Variants in AGAP1 observed in about 807,000 individuals in gnomAD.
AGAP1 encodes the protein ArfGAP with GTPase domain, ankyrin repeat and PH domain 1.
AGAP1 carries 29 observed loss-of-function variants against 105.3 expected under a neutral mutation model. That is an observed-to-expected ratio of 0.28 (90% CI 0.21 to 0.38). The LOEUF (loss-of-function observed/expected upper bound fraction) is 0.38. Ranked by LOEUF, AGAP1 falls within the 10% of genes least tolerant of loss-of-function variation. The pLI is 1.00. For synonymous variants in AGAP1, 509 were observed against 485.9 expected (o/e 1.05, Z -0.63); for missense variants, 998 against 1,165.1 (o/e 0.86, Z 2.09).
At chr2:235,508,667 A>T (rs1002462774) in intron 1 of AGAP1, among the ~76,000 whole-genome samples, 5 of 152,168 alleles carry the variant, frequency 3.3e-5, no homozygotes, top group African/African-American at 7.2e-5. Context: ...GCCTTTGAAA[A>T]TTCACCTGCG....
In AGAP1 at chr2:235,852,484, G is replaced by A. The variant is rs564682209; in HGVS notation, c.1051-30861G>A. Among the ~76,000 whole-genome samples, 14 of 152,336 alleles carry A rather than the reference G, an allele frequency of 9.2e-5. No homozygotes were observed. In the East Asian group the frequency reaches 2.3e-3, roughly 25 times the overall value. On this transcript the variant is annotated intron_variant, in intron 9 of 17. Coordinates refer to ENST00000304032, the MANE Select transcript of AGAP1 (RefSeq NM_001037131.3). The stretch of plus-strand genomic sequence containing the variant: ...TTTGGAGATCTTTTTAGGAAATTGG[G>A]TGTTTGCGAGTACAAATTGAAGCAA...
Position 235,712,895 on chromosome 2 carries a change from T to C in AGAP1, c.222+3658T>C, listed in dbSNP as rs535052459. 1.8e-4 allele frequency among the ~76,000 whole-genome samples: 27 copies of C among 152,386 alleles called. No individual in the cohort carries two copies. In the South Asian group the frequency reaches 5.0e-3, roughly 28 times the overall value. The stretch of plus-strand genomic sequence containing the variant: ...GCGTGACACACTTGAAACGGCATTT[T>C]GACCCCTTATTTTATTTTCCTTTCA... On this transcript the variant is annotated intron_variant, in intron 2 of 17. Transcript: ENST00000304032. This position sits in a 1 kb window ranked among gnomAD's most constrained non-coding sequence, Gnocchi z 6.0.
At chr2:235,499,058 G>A (rs751090717) in intron 1 of AGAP1, among the ~76,000 whole-genome samples, 8 of 152,176 alleles carry the variant, frequency 5.3e-5, no homozygotes, top group Non-Finnish European at 5.9e-5. Context: ...ATCTCAGTTC[G>A]TCCTGCAGCG....
intron 12 of AGAP1, among the ~76,000 whole-genome samples, chr2:235,932,930 G>A (rs1025754764): frequency 1.5e-4 from 23 of 152,230 alleles, no homozygotes; most frequent in African/African-American, 5.5e-4. Context: ...ACGTTTGAAT[G>A]CCAGTTTTTT....
At chr2:235,683,630 G>A (rs1291863290) in intron 1 of AGAP1, among the ~76,000 whole-genome samples, 2 of 151,794 alleles carry the variant, frequency 1.3e-5, no homozygotes, top group Non-Finnish European at 2.9e-5. Flanking sequence ...TGAAAGGTAT[G>A]TGCTGAGGTC....
At chr2:235,761,652 T>G (rs1466441782) in intron 6 of AGAP1, among the ~76,000 whole-genome samples, 1 of 152,228 alleles carries the variant, frequency 6.6e-6, no homozygotes, top group East Asian at 1.9e-4. Flanking sequence ...TTTAAAATGA[T>G]TAAGTAGTGA....
At chr2:235,935,647 G>A (rs1204054328) in intron 12 of AGAP1, among the ~76,000 whole-genome samples, 1 of 152,216 alleles carries the variant, frequency 6.6e-6, no homozygotes, top group African/African-American at 2.4e-5. Context: ...ATTGGTGTTT[G>A]CAGTCAATGA....
Position 236,040,543 on chromosome 2 carries a change from C to G in AGAP1, c.1801-208C>G. The G allele has an allele frequency of 5.0e-5, 8 of 159,166 alleles. No homozygotes were observed. The highest frequency in any genetic ancestry group is 2.0e-4 in the South Asian group (1 of 4,902). 9.9% of individuals were successfully genotyped at this position (159,166 alleles called of 1,614,324 possible). A position where few individuals can be genotyped will look rare whatever the true frequency, so the allele number is the denominator to read the frequency against. ...TCTCAGCTGATGAGTTAAAATGTGA[C>G]ATTTCCTCCCTCCCCCCGCCCCATG... On this transcript the variant is annotated intron_variant, in intron 14 of 17. Coordinates refer to ENST00000304032, the MANE Select transcript of AGAP1 (RefSeq NM_001037131.3). This position sits in a 1 kb window ranked among gnomAD's most constrained non-coding sequence, Gnocchi z 5.6.
Position 235,962,120 on chromosome 2 carries a change from G to T in AGAP1, c.1484-6342G>T, listed in dbSNP as rs1020111635. Among the ~76,000 whole-genome samples the T allele has an allele frequency of 1.3e-5, 2 of 152,204 alleles. No individual in the cohort carries two copies. The highest frequency in any genetic ancestry group is 4.8e-5 in the African/African-American group (2 of 41,456). The stretch of plus-strand genomic sequence containing the variant: ...GAAAAGTGAGGTCATCGTGAGGATG[G>T]TGTGGGGCGTGGGGTGTTTGAAGCG... On this transcript the variant is annotated intron_variant, in intron 12 of 17. Transcript: ENST00000304032. The surrounding 1 kb of genome is among the most constrained non-coding windows in gnomAD (Gnocchi z 5.3).
Position 236,036,533 on chromosome 2 carries a change from A to C in AGAP1, c.1646-28A>C. On this transcript the variant is annotated intron_variant, in intron 13 of 17. Coordinates refer to ENST00000304032, the MANE Select transcript of AGAP1 (RefSeq NM_001037131.3). This position sits in a 1 kb window ranked among gnomAD's most constrained non-coding sequence, Gnocchi z 5.7. Reference sequence around the variant, plus strand: ...GGGACTGCTGTCTCATAAAAGCTAAACTCTTCATCCCACACTCTGTGTTTC... The same window carrying C: ...GGGACTGCTGTCTCATAAAAGCTAACCTCTTCATCCCACACTCTGTGTTTC... 6.2e-7 allele frequency: 1 copy of C among 1,611,368 alleles called. No individual in the cohort carries two copies. The highest frequency in any genetic ancestry group is 1.3e-5 in the African/African-American group (1 of 74,870).
chr2:235,988,256 T>C lies in AGAP1; in HGVS notation c.1645+19633T>C, dbSNP rs1202725320. On this transcript the variant is annotated intron_variant, in intron 13 of 17. Coordinates refer to ENST00000304032, the MANE Select transcript of AGAP1 (RefSeq NM_001037131.3). The surrounding 1 kb of genome is among the most constrained non-coding windows in gnomAD (Gnocchi z 4.7). The stretch of plus-strand genomic sequence containing the variant: ...CAGGGCTTCACCCTGTTGGCCAGGC[T>C]GGTCTTGAACTCCTGACTTCAGGTG... Among the ~76,000 whole-genome samples, 1 of 152,198 alleles carries C rather than the reference T, an allele frequency of 6.6e-6. No homozygotes were observed. Among genetic ancestry groups the C allele is most frequent in the Non-Finnish European group, 1.5e-5 (1 of 68,044 alleles).
At position 236,113,125 on chromosome 2, in the gene AGAP1, C is replaced by T. The variant is rs569488191; in HGVS notation, c.2115-7067C>T. ...CTGCCGTCACGTGTGCATCTTGTTC[C>T]ACATTAGATATGGAGTTTGTTTTGT... is the stretch of plus-strand genomic sequence containing the variant. On this transcript the variant is annotated intron_variant, in intron 16 of 17. Coordinates refer to ENST00000304032, the MANE Select transcript of AGAP1 (RefSeq NM_001037131.3). This position sits in a 1 kb window ranked among gnomAD's most constrained non-coding sequence, Gnocchi z 4.3. 6.6e-6 allele frequency among the ~76,000 whole-genome samples: 1 copy of T among 152,274 alleles called. No homozygotes were observed. The highest frequency in any genetic ancestry group is 2.4e-5 in the African/African-American group (1 of 41,562).
In AGAP1 at chr2:236,080,595, C is replaced by G. The variant is rs1368308959; in HGVS notation, c.2114+31314C>G. Among the ~76,000 whole-genome samples, 1 of 152,218 alleles carries G rather than the reference C, an allele frequency of 6.6e-6. No individual in the cohort carries two copies. The highest frequency in any genetic ancestry group is 1.5e-5 in the Non-Finnish European group (1 of 68,038). On this transcript the variant is annotated intron_variant, in intron 16 of 17. Transcript: ENST00000304032. This position sits in a 1 kb window ranked among gnomAD's most constrained non-coding sequence, Gnocchi z 4.2. ...CTTTTAGCCTCTCAATCCTTCTCTT[C>G]CTAATAGGGTAGGTATAAGATTCCC...
intron 13 of AGAP1, among the ~76,000 whole-genome samples, chr2:235,996,545 T>G (rs1398868534): frequency 1.3e-5 from 2 of 152,238 alleles, no homozygotes; most frequent in Non-Finnish European, 2.9e-5. Flanking sequence ...TATTCCTTCC[T>G]GCACCCAAGC....
intron 13 of AGAP1, among the ~76,000 whole-genome samples, chr2:236,011,473 C>T (rs1164704606): frequency 6.6e-6 from 1 of 152,158 alleles, no homozygotes; most frequent in Non-Finnish European, 1.5e-5. Context: ...CATCCTGCCG[C>T]ATACATAGCT....
At position 235,733,257 on chromosome 2, in the gene AGAP1, G is replaced by A. The variant is rs1434157025; in HGVS notation, c.311-7706G>A. Among the ~76,000 whole-genome samples, 1 of 152,168 alleles carries A rather than the reference G, an allele frequency of 6.6e-6. No individual in the cohort carries two copies. The highest frequency in any genetic ancestry group is 1.5e-5 in the Non-Finnish European group (1 of 68,038). ...CTTTGCCTCCGGAGAGCCTTTGCCG[G>A]CCATTCACTTCCAAGGCTTTCTTAT... On this transcript the variant is annotated intron_variant, in intron 3 of 17. Transcript: ENST00000304032. This position sits in a 1 kb window ranked among gnomAD's most constrained non-coding sequence, Gnocchi z 5.0.
Position 235,777,601 on chromosome 2 carries a change from C to T in AGAP1, c.674-20158C>T, listed in dbSNP as rs1161997462. Among the ~76,000 whole-genome samples the T allele has an allele frequency of 1.3e-5, 2 of 152,202 alleles. No homozygotes were observed. Among genetic ancestry groups the T allele is most frequent in the East Asian group, 1.9e-4 (1 of 5,184 alleles). The stretch of plus-strand genomic sequence containing the variant: ...ACGAGTCACAGCTGTCTCACCTGCA[C>T]CCCTCCAATCGCCTTCTCAGAATCC... On this transcript the variant is annotated intron_variant, in intron 6 of 17. Coordinates refer to ENST00000304032, the MANE Select transcript of AGAP1 (RefSeq NM_001037131.3). The surrounding 1 kb of genome is among the most constrained non-coding windows in gnomAD (Gnocchi z 5.1).
intron 2 of AGAP1, among the ~76,000 whole-genome samples, chr2:235,713,770 A>T (rs1014266929): frequency 1.3e-5 from 2 of 152,334 alleles, no homozygotes; most frequent in South Asian, 2.1e-4. Context: ...AACAACAGAA[A>T]TATATAGCTC....
At chr2:235,661,104 G>T (rs909851754) in intron 1 of AGAP1, among the ~76,000 whole-genome samples, 2 of 152,160 alleles carry the variant, frequency 1.3e-5, no homozygotes, top group African/African-American at 4.8e-5. Flanking sequence ...GGCTACGTCT[G>T]GGGGTGGGTC....
Sources: gnomAD v4.1 joint callset for allele counts (sites outside exome capture counted in the v4.1 genomes callset) on GRCh38, gnomAD v4.1.1 for gene constraint, Gnocchi (gnomAD v3.1) non-coding constraint, MANE v1.5 for transcripts, NCBI Gene and HGNC (gene_info 2026-07-23, HGNC 2026-07-21) for gene names.